Variants in FIP1L1 observed in about 807,000 individuals in gnomAD.
The protein encoded by FIP1L1 is pre-mRNA 3'-end-processing factor FIP1.
A neutral mutation model predicts 84.6 loss-of-function variants in FIP1L1; 21 were observed. The ratio of observed to expected loss-of-function variants is 0.25; its 90% CI spans 0.18 to 0.36. The LOEUF (loss-of-function observed/expected upper bound fraction) is 0.36. Among genes scored for constraint, FIP1L1 ranks in the 10% least tolerant of loss-of-function variants. FIP1L1 has a pLI of 1.00. For synonymous variants in FIP1L1, 263 were observed against 242.3 expected (o/e 1.09, Z -0.80); for missense variants, 526 against 751.1 (o/e 0.70, Z 3.50).
chr4:53,377,968 C>G, intron 1 of FIP1L1, 45 bp downstream of exon 1: 4 of 1,453,362 alleles, frequency 2.8e-6, no homozygotes, highest in Non-Finnish European at 3.7e-6. Flanking sequence ...CTCAGGCCTC[C>G]CCTCTTGGCC....
At chr4:53,388,344 CTTT>C (rs34128620) in intron 5 of FIP1L1, among the ~76,000 whole-genome samples, 5 of 147,438 alleles carry the variant, frequency 3.4e-5, no homozygotes, top group South Asian at 2.1e-4. Flanking sequence ...TTACTGATAT[CTTT>C]TTTTTTTTTT....
chr4:53,411,512 A>T (rs1757213261), intron 10 of FIP1L1, among the ~76,000 whole-genome samples: 1 of 152,076 alleles, frequency 6.6e-6, no homozygotes, highest in South Asian at 2.1e-4. Context: ...ATATTTATGG[A>T]GATTGGATAG....
chr4:53,392,747 C>G (rs1744934490), intron 9 of FIP1L1, among the ~76,000 whole-genome samples: 1 of 152,130 alleles, frequency 6.6e-6, no homozygotes, highest in African/African-American at 2.4e-5. Flanking sequence ...AGGGGTCAGT[C>G]TCATTGAAGG....
At chr4:53,422,397 T>G (rs1343418073) in intron 11 of FIP1L1, among the ~76,000 whole-genome samples, 1 of 152,112 alleles carries the variant, frequency 6.6e-6, no homozygotes, top group Non-Finnish European at 1.5e-5. Context: ...CAATAAAGTT[T>G]AAAAACTATT....
At chr4:53,400,180 T>C (rs1749502816) in intron 10 of FIP1L1, among the ~76,000 whole-genome samples, 1 of 152,178 alleles carries the variant, frequency 6.6e-6, no homozygotes, top group Admixed American at 6.5e-5. Flanking sequence ...ACATAAAGAA[T>C]TATTGGACTT....
intron 13 of FIP1L1, among the ~76,000 whole-genome samples, chr4:53,429,597 GA>G (rs1765694986): frequency 6.6e-6 from 1 of 152,012 alleles, no homozygotes; most frequent in African/African-American, 2.4e-5. Flanking sequence ...TACTCTGTTG[GA>G]TTCCTTTGTA....
intron 13 of FIP1L1, among the ~76,000 whole-genome samples, chr4:53,429,519 A>G (rs1483032843): frequency 6.6e-6 from 1 of 152,208 alleles, no homozygotes; most frequent in Admixed American, 6.5e-5. Flanking sequence ...AGATAAATAA[A>G]AGGTAGAAAT....
intron 6 of FIP1L1, among the ~76,000 whole-genome samples, 196 bp downstream of exon 6, chr4:53,390,069 G>A (rs1743364368): frequency 6.6e-6 from 1 of 151,992 alleles, no homozygotes; most frequent in African/African-American, 2.4e-5. Flanking sequence ...TTCTCAAGTA[G>A]CTGGGACTGC....
chr4:53,442,975 T>C (rs17656576), intron 14 of FIP1L1, among the ~76,000 whole-genome samples: 19,372 of 152,126 alleles, frequency 0.13, 1,321 homozygotes, highest in Non-Finnish European at 0.16. Context: ...GCTCCTAGAC[T>C]GTTAAAAACC....
chr4:53,454,003 A>G (rs1432685250), intron 16 of FIP1L1, among the ~76,000 whole-genome samples: 1 of 152,230 alleles, frequency 6.6e-6, no homozygotes, highest in African/African-American at 2.4e-5. Context: ...AAAGTTTCAT[A>G]ATCTTAAAAC....
chr4:53,430,051 T>A (rs1449999746), intron 13 of FIP1L1, among the ~76,000 whole-genome samples: 1 of 152,184 alleles, frequency 6.6e-6, no homozygotes, highest in Admixed American at 6.5e-5. Flanking sequence ...TGTGCCTGGC[T>A]TATTTCACTT....
chr4:53,408,997 T>G (rs1005890291), intron 10 of FIP1L1, among the ~76,000 whole-genome samples: 1 of 152,258 alleles, frequency 6.6e-6, no homozygotes, highest in African/African-American at 2.4e-5. Context: ...TCTCAACTCG[T>G]CAAAGGCATT....
At position 53,439,798 on chromosome 4, in the gene FIP1L1, T is replaced by TAG. The variant is rs147120477; in HGVS notation, c.1175-2854_1175-2853insGA. The stretch of plus-strand genomic sequence containing the variant: ...CATAAATTGCCTTTCATGTATCTCT[T>TAG]AAATTTAAAATGCTGAATTTAATTT... On this transcript the variant is annotated intron_variant, in intron 13 of 17. Coordinates refer to ENST00000337488, the MANE Select transcript of FIP1L1 (RefSeq NM_030917.4). Among the ~76,000 whole-genome samples the TAG allele has an allele frequency of 8.7e-3, 1,327 of 152,152 alleles. 22 individuals are homozygous for TAG. Among genetic ancestry groups the TAG allele is most frequent in the African/African-American group, 0.03 (1,251 of 41,554 alleles).
At chr4:53,404,932 C>T (rs1415562883) in intron 10 of FIP1L1, among the ~76,000 whole-genome samples, 95 of 150,872 alleles carry the variant, frequency 6.3e-4, no homozygotes, top group South Asian at 1.0e-3. Context: ...GAGTAGGTTG[C>T]GAAAATTTTC....
intron 16 of FIP1L1, among the ~76,000 whole-genome samples, chr4:53,457,295 T>C (rs1227129235): frequency 2.0e-5 from 3 of 152,154 alleles, no homozygotes; most frequent in African/African-American, 7.2e-5. Flanking sequence ...GTACTCTTTC[T>C]GCTCCTCTCT....
At chr4:53,431,586 C>T (rs1766684545) in intron 13 of FIP1L1, among the ~76,000 whole-genome samples, 1 of 146,454 alleles carries the variant, frequency 6.8e-6, no homozygotes, top group Non-Finnish European at 1.5e-5. Context: ...ATTTTATTCT[C>T]ATATTTTAGG....
chr4:53,440,564 T>A, intron 13 of FIP1L1: 4 of 1,472,556 alleles, frequency 2.7e-6, no homozygotes, highest in Non-Finnish European at 3.7e-6. Flanking sequence ...ATATTAAATT[T>A]CATCACTTGT....
chr4:53,393,386 G>T (rs1745332222), intron 9 of FIP1L1, among the ~76,000 whole-genome samples: 1 of 152,274 alleles, frequency 6.6e-6, no homozygotes, highest in African/African-American at 2.4e-5. Flanking sequence ...GCCTCTTTAA[G>T]ATAACTTTAT....
intron 15 of FIP1L1, among the ~76,000 whole-genome samples, chr4:53,444,794 A>T (rs1440216161): frequency 6.6e-6 from 1 of 151,342 alleles, no homozygotes; most frequent in Non-Finnish European, 1.5e-5. Flanking sequence ...CTGGTCTTGA[A>T]CTCCTGGGCT....
Sources: allele counts gnomAD v4.1 joint callset (sites outside exome capture counted in the v4.1 genomes callset), GRCh38; gene constraint gnomAD v4.1.1; transcripts MANE v1.5; gene names NCBI Gene and HGNC (gene_info 2026-07-23, HGNC 2026-07-21).